Variants in COX15 observed in about 807,000 individuals in gnomAD.
The protein encoded by COX15 is heme A synthase COX15.
In COX15, 51 loss-of-function variants were observed where a neutral mutation model predicts 51.9. That is an observed-to-expected ratio of 0.98 (90% confidence interval 0.78 to 1.24). The LOEUF is 1.24. Ranked by LOEUF, COX15 falls within the 50% of genes most tolerant of loss-of-function variation. The pLI is 0.00. For synonymous variants in COX15, 188 were observed against 190.5 expected, an observed-to-expected ratio of 0.99 and a Z score of 0.11; for missense variants, 420 against 501.1, an observed-to-expected ratio of 0.84 and a Z score of 1.55.
chr10:99,716,395 T>G lies in COX15; in HGVS notation c.1054A>C (p.Arg352=), dbSNP rs577625748. Residue 352 remains arginine, a synonymous_variant, in exon 8 of 9, where the codon AGG becomes CGG. Coordinates refer to ENST00000016171, the MANE Select transcript of COX15 (RefSeq NM_078470.6). ...AGAGTCACTGCTGCCATCTTGGTCC[T>G]TCTAGGAAGGGGAATTCTCCGAGAG... ...FLSRRIPLPR[R]TKMAAVTLLA... The G allele has an allele frequency of 1.6e-5, 26 of 1,613,990 alleles. No homozygotes were observed. The East Asian group carries it at 5.8e-4, about 36-fold the overall frequency.
intron 4 of COX15, among the ~76,000 whole-genome samples, chr10:99,725,420 T>G (rs1455079284): frequency 6.6e-6 from 1 of 152,222 alleles, no homozygotes; most frequent in Non-Finnish European, 1.5e-5. Context: ...GTGTTTTCAG[T>G]GTTGGCTTGT....
intron 6 of COX15, among the ~76,000 whole-genome samples, chr10:99,720,102 G>A (rs1451158133): frequency 6.6e-6 from 1 of 152,106 alleles, no homozygotes; most frequent in East Asian, 1.9e-4. Flanking sequence ...CTCCTCTACT[G>A]GATAGTGCAG....
chr10:99,726,769 C>A (rs1208056101), intron 4 of COX15, among the ~76,000 whole-genome samples, 199 bp downstream of exon 4: 1 of 151,926 alleles, frequency 6.6e-6, no homozygotes, highest in African/African-American at 2.4e-5. Flanking sequence ...TGCCTGCAGT[C>A]CCAGCTACCG....
Position 99,714,361 on chromosome 10 carries a change from AT to A in COX15, c.*225del. The stretch of plus-strand genomic sequence containing the variant: ...CATTTCTTTCTCTACATTAAAACTG[AT>A]TTTCAACATGAAAAGCAGATTTAAA... On this transcript the variant is annotated 3_prime_UTR_variant, in exon 9 of 9. Transcript: ENST00000016171. The A allele has an allele frequency of 1.5e-6, 2 of 1,343,984 alleles. No homozygotes were observed. Among genetic ancestry groups the A allele is most frequent in the Non-Finnish European group, 1.9e-6 (2 of 1,043,724 alleles). 83.3% of individuals were successfully genotyped at this position (1,343,984 alleles called of 1,614,324 possible).
chr10:99,715,101 G>C (rs962331898), intron 8 of COX15, among the ~76,000 whole-genome samples: 1 of 152,060 alleles, frequency 6.6e-6, no homozygotes, highest in Non-Finnish European at 1.5e-5. Flanking sequence ...TTAAACTGCT[G>C]TGCAGTATCG....
intron 5 of COX15, among the ~76,000 whole-genome samples, chr10:99,723,464 C>T (rs2036845821): frequency 6.6e-6 from 1 of 151,956 alleles, no homozygotes; most frequent in Non-Finnish European, 1.5e-5. Context: ...AAAAAAAATT[C>T]TAGGGAAAAA....
At position 99,727,052 on chromosome 10, in the gene COX15, A is replaced by T; in HGVS notation, c.498T>A (p.Pro166=). The change falls in exon 4 of 9, where the codon CCT becomes CCA. Residue 166 remains proline (P), a synonymous_variant. Transcript: ENST00000016171. ...AGCCCTTTCTCCAAAAGTAGGCAGC[A>T]GGCAGGATGTACACAAGGCCTACAA... ...GRLVGLVYIL[P]AAYFWRKGWL... is the part of the protein sequence containing the mutation. The T allele has an allele frequency of 6.2e-7, 1 of 1,614,250 alleles. No homozygotes were observed. The highest frequency in any genetic ancestry group is 1.1e-5 in the South Asian group (1 of 91,090).
the COX15 span, chr10:99,698,794 G>A: frequency 6.2e-7 from 1 of 1,614,040 alleles, no homozygotes; most frequent in Non-Finnish European, 8.5e-7. Flanking sequence ...TTTTTTTATT[G>A]TACAGAGGAT....
intron 7 of COX15, among the ~76,000 whole-genome samples, chr10:99,716,797 T>C (rs945831108): frequency 3.9e-5 from 6 of 151,972 alleles, no homozygotes; most frequent in Non-Finnish European, 8.8e-5. Context: ...ACCATATCTC[T>C]AATCCTATAT....
chr10:99,708,009 A>G (rs1371713178), downstream of COX15, among the ~76,000 whole-genome samples: 1 of 152,160 alleles, frequency 6.6e-6, no homozygotes, highest in Non-Finnish European at 1.5e-5. Context: ...CCAGGTGGTG[A>G]GCATAGTACC....
chr10:99,696,260 A>G, the COX15 span: 2 of 1,014,708 alleles, frequency 2.0e-6, no homozygotes, highest in Admixed American at 5.5e-5. Flanking sequence ...ATGGGGTAGC[A>G]TCTCTTAAAG....
chr10:99,696,148 T>C, the COX15 span: 110 of 1,610,596 alleles, frequency 6.8e-5, 2 homozygotes, highest in South Asian at 3.3e-4. Context: ...GATCTGAGTT[T>C]CTGAAATATA....
chr10:99,708,704 C>A, downstream of COX15: 1 of 454,966 alleles, frequency 2.2e-6, no homozygotes, highest in Non-Finnish European at 2.9e-6. Flanking sequence ...TAATAGTAAT[C>A]ATAATAAATT....
intron 8 of COX15, among the ~76,000 whole-genome samples, chr10:99,715,248 C>T (rs2036529389): frequency 6.6e-6 from 1 of 152,152 alleles, no homozygotes; most frequent in Admixed American, 6.5e-5. Flanking sequence ...AGCAATTCTC[C>T]TGCCTCAGCC....
intron 8 of COX15, among the ~76,000 whole-genome samples, chr10:99,716,065 C>T (rs572151027): frequency 4.0e-5 from 6 of 149,280 alleles, no homozygotes; most frequent in Non-Finnish European, 7.4e-5. Flanking sequence ...GATCTTGACT[C>T]ACTGCAGCCT....
At chr10:99,717,904 G>C (rs919182016) in intron 7 of COX15, among the ~76,000 whole-genome samples, 1 of 152,194 alleles carries the variant, frequency 6.6e-6, no homozygotes, top group South Asian at 2.1e-4. Flanking sequence ...AAACATATTC[G>C]CTTAAATAGA....
At chr10:99,699,114 A>C in the COX15 span, among the ~76,000 whole-genome samples, 19 of 152,138 alleles carry the variant, frequency 1.2e-4, no homozygotes, top group Non-Finnish European at 5.9e-5. Flanking sequence ...CCAGGCATAA[A>C]ATTTTTGTGT....
At chr10:99,704,588 C>T in the COX15 span, 19 of 1,614,150 alleles carry the variant, frequency 1.2e-5, no homozygotes, top group East Asian at 2.2e-5. Flanking sequence ...GCGGCTACGC[C>T]GAATTCACCA....
chr10:99,698,261 C>A, the COX15 span, among the ~76,000 whole-genome samples: 1 of 152,218 alleles, frequency 6.6e-6, no homozygotes, highest in African/African-American at 2.4e-5. Flanking sequence ...TGGAGAACAG[C>A]AGATTCACAT....
Sources: allele counts gnomAD v4.1 joint callset (sites outside exome capture counted in the v4.1 genomes callset), GRCh38; gene constraint gnomAD v4.1.1; transcripts MANE v1.5; gene names NCBI Gene and HGNC (gene_info 2026-07-23, HGNC 2026-07-21).